Variants in FNDC1 observed in about 807,000 individuals in gnomAD.
FNDC1 encodes the protein fibronectin type III domain-containing protein 1.
Under a neutral mutation model 168.0 loss-of-function variants are expected in FNDC1, and 96 were observed. The ratio of observed to expected loss-of-function variants is 0.57; its 90% CI spans 0.48 to 0.68. The LOEUF (loss-of-function observed/expected upper bound fraction) is 0.68. Ranked by LOEUF, FNDC1 falls within the 30% of genes least tolerant of loss-of-function variation. The pLI is 0.00. For missense variants in FNDC1, 2,587 were observed against 2,482.1 expected (o/e 1.04, Z -0.90); for synonymous variants, 1,099 against 1,025.9 (o/e 1.07, Z -1.36).
chr6:159,265,187 G>T (rs1029710506), intron 20 of FNDC1, among the ~76,000 whole-genome samples, 183 bp downstream of exon 20: 3 of 152,076 alleles, frequency 2.0e-5, no homozygotes, highest in Non-Finnish European at 4.4e-5. Context: ...AATGACCTGG[G>T]AATTTTAAAA....
rs781072694 is a variant in FNDC1, at chr6:159,223,587, G to A, written c.826G>A (p.Val276Met). 6.2e-7 allele frequency: 1 copy of A among 1,613,886 alleles called. No individual in the cohort carries two copies. The highest frequency in any genetic ancestry group is 1.1e-5 in the South Asian group (1 of 91,066). Residue 276 changes from valine (V) to methionine (M), a missense_variant, in exon 7 of 23, where the codon GTG becomes ATG. Transcript: ENST00000297267. ...CGTCCGGGTTATGTCATCTCAGTCT[G>A]TGCTTGTGTCCTGGGTGGATCCTGT... The part of the protein sequence containing the change: ...ISVRVMSSQS[V>M]LVSWVDPVLE...
chr6:159,208,164 G>A (rs975787194), intron 4 of FNDC1, among the ~76,000 whole-genome samples: 4 of 152,202 alleles, frequency 2.6e-5, no homozygotes, highest in African/African-American at 9.6e-5. Flanking sequence ...CTTCCACACT[G>A]TGTTGGTGGG....
chr6:159,266,622 T>A (rs1777598891), intron 21 of FNDC1, among the ~76,000 whole-genome samples: 1 of 150,638 alleles, frequency 6.6e-6, no homozygotes, highest in Admixed American at 6.6e-5. Flanking sequence ...ATTCACTATG[T>A]CTTAGGAATG....
rs186515442 is a variant in FNDC1, at chr6:159,225,545, G to A, written c.895G>A (p.Val299Met). The change falls in exon 8 of 23, where the codon GTG (valine) becomes ATG (methionine). Residue 299 changes from valine (V) to methionine (M), a missense_variant. By Grantham distance (21) the Val-to-Met change is conservative. Transcript: ENST00000297267. ...KKVVASRQYT[V>M]RYREKGELAR... ...TGTGTTTTCTTACAGACAGTACACC[G>A]TGCGCTATCGAGAGAAGGGGGAATT... is the stretch of plus-strand genomic sequence containing the variant. 1.7e-4 allele frequency: 273 copies of A among 1,612,522 alleles called. No individual in the cohort carries two copies. Among genetic ancestry groups the A allele is most frequent in the Non-Finnish European group, 2.2e-4 (255 of 1,178,942 alleles).
intron 1 of FNDC1, among the ~76,000 whole-genome samples, chr6:159,172,378 C>G (rs747101754): frequency 6.6e-6 from 1 of 152,234 alleles, no homozygotes; most frequent in African/African-American, 2.4e-5. Flanking sequence ...ACAAAGGGAA[C>G]TTGCTACTTC....
At chr6:159,225,511 T>A (rs1782934818) in intron 7 of FNDC1, 24 bp from the exon 8 acceptor site, 1 of 1,577,652 alleles carries the variant, frequency 6.3e-7, no homozygotes, top group Non-Finnish European at 8.7e-7. Context: ...TTTGGACAGA[T>A]CATTGTGTTG....
At chr6:159,190,910 C>T (rs1782123781) in intron 1 of FNDC1, among the ~76,000 whole-genome samples, 1 of 152,174 alleles carries the variant, frequency 6.6e-6, no homozygotes, top group Admixed American at 6.5e-5. Context: ...AGTTCGTTCT[C>T]ACGCTGCTGT....
At chr6:159,216,902 G>A (rs1456831412) in intron 5 of FNDC1, among the ~76,000 whole-genome samples, 1 of 152,236 alleles carries the variant, frequency 6.6e-6, no homozygotes, top group East Asian at 1.9e-4. Context: ...GTAAGATCCA[G>A]GCTCTCTTCC....
At position 159,271,433 on chromosome 6, in the gene FNDC1, A is replaced by G. The variant is rs1438616255; in HGVS notation, c.5676A>G (p.Gly1892=). 1.9e-6 allele frequency: 3 copies of G among 1,607,696 alleles called. No homozygotes were observed. Among genetic ancestry groups the G allele is most frequent in the Non-Finnish European group, 2.5e-6 (3 of 1,176,992 alleles). The change falls in exon 23 of 23, where the codon GGA becomes GGG. Residue 1892 remains glycine, a synonymous_variant. Transcript: ENST00000297267. Reference sequence around the variant, plus strand: ...ACGAGTGTGGGGTCTCCATCCCTGGAAAGTGGTAATCACAGGACCGTCATG... The same window carrying G: ...ACGAGTGTGGGGTCTCCATCCCTGGGAAGTGGTAATCACAGGACCGTCATG... The part of the protein sequence containing the change: ...GWYECGVSIP[G]KW
chr6:159,232,147 G>A lies in FNDC1; in HGVS notation c.1635G>A (p.Glu545=). 1 of 1,613,942 alleles carries A rather than the reference G, an allele frequency of 6.2e-7. No homozygotes were observed. The highest frequency in any genetic ancestry group is 8.5e-7 in the Non-Finnish European group (1 of 1,179,888). Reference sequence around the variant, plus strand: ...CGACAGAAATCACTGGGGAGGAGGAGCTGGGTTCCCGGGAGGACTCGCCCA... The same window carrying A: ...CGACAGAAATCACTGGGGAGGAGGAACTGGGTTCCCGGGAGGACTCGCCCA... ...LQSTEITGEE[E]LGSREDSPMS... The change falls in exon 11 of 23, where the codon GAG becomes GAA. Residue 545 remains glutamate, a synonymous_variant. Transcript: ENST00000297267. This position sits in a 1 kb window ranked among gnomAD's most constrained non-coding sequence, Gnocchi z 4.9.
In FNDC1 at chr6:159,238,692, A is replaced by G. The variant is rs1309576551; in HGVS notation, c.4180+27A>G. On this transcript the variant is annotated intron_variant, in intron 13 of 22. Transcript: ENST00000297267. ...TAAGGGAGAATGGTTTTTAAAGAAT[A>G]AAAGCCTACTGAATTAGCCATAGAA... is the stretch of plus-strand genomic sequence containing the variant. The G allele has an allele frequency of 6.3e-6, 9 of 1,431,100 alleles. No individual in the cohort carries two copies. In the East Asian group the frequency reaches 2.1e-4, roughly 34 times the overall value. The allele number at this position is 1,431,100 out of a possible 1,614,324, so 88.7% of individuals were successfully genotyped here. A position where few individuals can be genotyped will look rare whatever the true frequency, so the allele number is the denominator to read the frequency against.
intron 11 of FNDC1, among the ~76,000 whole-genome samples, chr6:159,235,826 G>A (rs1483675938): frequency 6.6e-6 from 1 of 152,190 alleles, no homozygotes; most frequent in Admixed American, 6.5e-5. Context: ...CCCCAGAAAA[G>A]TGGGACAGCA....
intron 1 of FNDC1, among the ~76,000 whole-genome samples, chr6:159,171,558 G>T (rs1194317146): frequency 6.6e-6 from 1 of 152,094 alleles, no homozygotes; most frequent in African/African-American, 2.4e-5. Context: ...AATTACCCAC[G>T]GCCACATAAT....
intron 4 of FNDC1, among the ~76,000 whole-genome samples, chr6:159,204,817 C>T (rs1583869235): frequency 1.3e-5 from 2 of 152,332 alleles, no homozygotes; most frequent in Admixed American, 6.5e-5. Context: ...TGATTGTCCT[C>T]ACACAGTTTC....
intron 5 of FNDC1, 106 bp from the exon 6 acceptor site, chr6:159,221,492 A>T: frequency 2.3e-6 from 2 of 860,614 alleles, no homozygotes; most frequent in Non-Finnish European, 3.8e-6. Context: ...GGAAACGGAA[A>T]AAGGGGAAGG....
chr6:159,268,055 C>A lies in FNDC1; in HGVS notation c.5569+129C>A, dbSNP rs77800816. On this transcript the variant is annotated intron_variant, in intron 22 of 22. Coordinates refer to ENST00000297267, the MANE Select transcript of FNDC1 (RefSeq NM_032532.3). ...GATGGATGTTGGGAGCACTTAAGGT[C>A]ATAAAAATAAATAAAATAAAGAATC... The A allele has an allele frequency of 4.9e-3, 4,607 of 945,832 alleles. 166 individuals carry two copies. In the African/African-American group the frequency reaches 0.071, roughly 15 times the overall value. 58.6% of individuals were successfully genotyped at this position (945,832 alleles called of 1,614,324 possible).
At chr6:159,177,695 G>C (rs1333439513) in intron 1 of FNDC1, among the ~76,000 whole-genome samples, 1 of 152,186 alleles carries the variant, frequency 6.6e-6, no homozygotes, top group African/African-American at 2.4e-5. Context: ...CCCCTGCAGA[G>C]AAGGCTCGGC....
intron 15 of FNDC1, among the ~76,000 whole-genome samples, chr6:159,248,019 T>C (rs535121214): frequency 6.8e-4 from 103 of 152,344 alleles, no homozygotes; most frequent in Admixed American, 1.7e-3. Flanking sequence ...ATCACAACTG[T>C]GCAAACAATG....
intron 1 of FNDC1, among the ~76,000 whole-genome samples, chr6:159,172,807 G>A (rs922766583): frequency 3.3e-5 from 5 of 152,148 alleles, no homozygotes; most frequent in African/African-American, 1.2e-4. Context: ...ATCCAAAAAG[G>A]CTATTGAAAT....
Sources: gnomAD v4.1 joint callset for allele counts (sites outside exome capture counted in the v4.1 genomes callset) on GRCh38, gnomAD v4.1.1 for gene constraint, Gnocchi (gnomAD v3.1) non-coding constraint, MANE v1.5 for transcripts, NCBI Gene and HGNC (gene_info 2026-07-23, HGNC 2026-07-21) for gene names.